The following HCN1 variants were observed in gnomAD, a reference collection of about 807,000 sequenced individuals.
The protein encoded by HCN1 is hyperpolarization activated cyclic nucleotide gated potassium channel 1.
A neutral mutation model predicts 78.9 loss-of-function variants in HCN1; 13 were observed. The observed-to-expected ratio is 0.16, with a 90% CI of 0.11 to 0.26. HCN1 has a LOEUF of 0.26. Ranked by LOEUF, HCN1 falls within the 10% of genes least tolerant of loss-of-function variation. The pLI is 1.00. For synonymous variants in HCN1, 552 were observed against 455.5 expected (o/e 1.21, Z -2.70); for missense variants, 810 against 1,154.3 (o/e 0.70, Z 4.32).
At chr5:45,608,469 G>A (rs1441530863) in intron 2 of HCN1, among the ~76,000 whole-genome samples, 1 of 151,534 alleles carries the variant, frequency 6.6e-6, no homozygotes, top group Non-Finnish European at 1.5e-5. Context: ...AGTTCTAAAT[G>A]AGAGGAATTG....
At chr5:45,461,697 C>T in intron 3 of HCN1, 149 bp downstream of exon 3, 1 of 758,130 alleles carries the variant, frequency 1.3e-6, no homozygotes, top group Non-Finnish European at 2.3e-6. Context: ...CCTCCACAAA[C>T]ATAACATCTG....
chr5:45,631,621 C>A (rs1191795849), intron 2 of HCN1, among the ~76,000 whole-genome samples: 1 of 151,996 alleles, frequency 6.6e-6, no homozygotes, highest in Admixed American at 6.6e-5. Flanking sequence ...CATACTGGAG[C>A]ATGTGGATCA....
chr5:45,685,432 G>A (rs917630328), intron 1 of HCN1, among the ~76,000 whole-genome samples: 5 of 152,200 alleles, frequency 3.3e-5, no homozygotes, highest in South Asian at 2.1e-4. Flanking sequence ...AAAGTTTTCC[G>A]TCCGGAAGCA....
chr5:45,682,439 T>C (rs546694320), intron 1 of HCN1, among the ~76,000 whole-genome samples: 17 of 151,848 alleles, frequency 1.1e-4, no homozygotes, highest in African/African-American at 4.1e-4. Flanking sequence ...GCAGATTAAA[T>C]GTCCACACTA....
chr5:45,532,371 C>G (rs983393335), intron 2 of HCN1, among the ~76,000 whole-genome samples: 22 of 152,238 alleles, frequency 1.4e-4, no homozygotes, highest in African/African-American at 5.3e-4. Context: ...ATTCTAGCAG[C>G]CTTCTATGTG....
intron 4 of HCN1, among the ~76,000 whole-genome samples, chr5:45,373,031 T>C (rs1259488053): frequency 7.3e-6 from 1 of 136,132 alleles, no homozygotes; most frequent in Non-Finnish European, 1.5e-5. Context: ...ATTTTACATA[T>C]ATTAAATATA....
At chr5:45,281,741 C>T (rs1397733676) in intron 6 of HCN1, among the ~76,000 whole-genome samples, 1 of 151,628 alleles carries the variant, frequency 6.6e-6, no homozygotes, top group Non-Finnish European at 1.5e-5. Context: ...GTGCCCGCCA[C>T]CACGCCCGGG....
intron 3 of HCN1, among the ~76,000 whole-genome samples, chr5:45,403,555 A>G (rs1739864581): frequency 6.6e-6 from 1 of 152,056 alleles, no homozygotes; most frequent in Non-Finnish European, 1.5e-5. Flanking sequence ...TCTAGTGAGA[A>G]CTCACTCACT....
At chr5:45,527,670 AGACT>A (rs970143126) in intron 2 of HCN1, among the ~76,000 whole-genome samples, 2 of 151,432 alleles carry the variant, frequency 1.3e-5, no homozygotes, top group African/African-American at 4.9e-5. Context: ...TTTCCTACAC[AGACT>A]GAGATAGATA....
At chr5:45,351,209 A>G (rs1363207615) in intron 5 of HCN1, among the ~76,000 whole-genome samples, 1 of 152,034 alleles carries the variant, frequency 6.6e-6, no homozygotes, top group Non-Finnish European at 1.5e-5. Flanking sequence ...CAGAGCCTTC[A>G]GAAATAATGC....
chr5:45,425,242 A>G (rs138503590), intron 3 of HCN1, among the ~76,000 whole-genome samples: 5 of 152,284 alleles, frequency 3.3e-5, no homozygotes, highest in African/African-American at 1.2e-4. Context: ...CCTGTGCATC[A>G]CTCAATTAAG....
At chr5:45,374,015 T>TATATAATATATATTATATACATAATAG in intron 4 of HCN1, among the ~76,000 whole-genome samples, 1 of 114,160 alleles carries the variant, frequency 8.8e-6, no homozygotes, top group Non-Finnish European at 1.7e-5. Context: ...ATACATAATA[T>TATATAATATATATTATATACATAATAG]ATATTATATA....
chr5:45,563,816 G>A (rs377386994), intron 2 of HCN1, among the ~76,000 whole-genome samples: 1 of 152,008 alleles, frequency 6.6e-6, no homozygotes, highest in Non-Finnish European at 1.5e-5. Context: ...CAATAACCCT[G>A]CATTTTGATC....
At chr5:45,537,580 C>T (rs1742995554) in intron 2 of HCN1, among the ~76,000 whole-genome samples, 1 of 96,342 alleles carries the variant, frequency 1.0e-5, no homozygotes, top group Non-Finnish European at 2.0e-5. Flanking sequence ...GCTCTTTTGC[C>T]CAGGCTGGAG....
At chr5:45,660,674 C>G (rs1745912859) in intron 1 of HCN1, among the ~76,000 whole-genome samples, 1 of 145,240 alleles carries the variant, frequency 6.9e-6, no homozygotes, top group Admixed American at 6.9e-5. Flanking sequence ...ATAAAACAGA[C>G]TTTAAACCAA....
At chr5:45,677,989 T>TACACACAC (rs200866112) in intron 1 of HCN1, among the ~76,000 whole-genome samples, 3,729 of 94,054 alleles carry the variant, frequency 0.04, 141 homozygotes, top group African/African-American at 0.13. Context: ...CACACACACA[T>TACACACAC]ACACACACAC....
In HCN1 at chr5:45,255,214, T is replaced by A. The variant is rs1179117032; in HGVS notation, c.*6707A>T. The A allele has an allele frequency of 6.6e-6, 1 of 152,230 alleles. No individual in the cohort carries two copies. The highest frequency in any genetic ancestry group is 1.5e-5 in the Non-Finnish European group (1 of 68,042). The allele number at this position is 152,230 out of a possible 1,614,324, so 9.4% of individuals were successfully genotyped here. A position where few individuals can be genotyped will look rare whatever the true frequency, so the allele number is the denominator to read the frequency against. The stretch of plus-strand genomic sequence containing the variant: ...CTTTGGATGGTCCAGGATAAAATTA[T>A]AACATAGGTGGTTTGTCGTTGCTTG... On this transcript the variant is annotated 3_prime_UTR_variant, in exon 8 of 8. Coordinates refer to ENST00000303230, the MANE Select transcript of HCN1 (RefSeq NM_021072.4).
intron 2 of HCN1, among the ~76,000 whole-genome samples, chr5:45,505,061 T>A (rs1298274453): frequency 6.6e-6 from 1 of 152,200 alleles, no homozygotes; most frequent in African/African-American, 2.4e-5. Flanking sequence ...GCCTGTTCAC[T>A]CTGATGGTAG....
At position 45,539,525 on chromosome 5, in the gene HCN1, C is replaced by A. The variant is rs1325179104; in HGVS notation, c.850-77518G>T. 1.3e-5 allele frequency among the ~76,000 whole-genome samples: 2 copies of A among 150,436 alleles called. 1 individual carries two copies. Among genetic ancestry groups the A allele is most frequent in the South Asian group, 4.2e-4 (2 of 4,800 alleles). On this transcript the variant is annotated intron_variant, in intron 2 of 7. Transcript: ENST00000303230. Reference sequence around the variant, plus strand: ...CAAAAAACACAAAAAATTAGCCTGGCGTGGTGGCGGGCACCTGTAATCCCA... The same window carrying A: ...CAAAAAACACAAAAAATTAGCCTGGAGTGGTGGCGGGCACCTGTAATCCCA...
Sources: gnomAD v4.1 joint callset for allele counts (sites outside exome capture counted in the v4.1 genomes callset) on GRCh38, gnomAD v4.1.1 for gene constraint, MANE v1.5 for transcripts, NCBI Gene and HGNC (gene_info 2026-07-23, HGNC 2026-07-21) for gene names.